The following CALN1 variants were observed in gnomAD, a reference collection of about 807,000 sequenced individuals.
CALN1 encodes calcium-binding protein 8.
CALN1 carries 17 observed loss-of-function variants against 30.6 expected under a neutral mutation model. That is an observed-to-expected ratio of 0.56 (90% CI 0.38 to 0.83). The LOEUF (loss-of-function observed/expected upper bound fraction) is 0.83, where lower values mean the gene tolerates loss of function less well. Among genes scored for constraint, CALN1 ranks in the 40% least tolerant of loss-of-function variants. CALN1 has a pLI of 0.00. For synonymous variants in CALN1, 156 were observed against 131.4 expected, an observed-to-expected ratio of 1.19 and a Z score of -1.28; for missense variants, 291 against 354.9, an observed-to-expected ratio of 0.82 and a Z score of 1.45.
chr7:71,850,126 T>A (rs559966105), intron 5 of CALN1, among the ~76,000 whole-genome samples: 1 of 152,290 alleles, frequency 6.6e-6, no homozygotes, highest in South Asian at 2.1e-4. Context: ...CAAATGTCCA[T>A]CATTAGAAAA....
At chr7:71,852,820 G>A (rs1013732710) in intron 5 of CALN1, among the ~76,000 whole-genome samples, 14 of 152,144 alleles carry the variant, frequency 9.2e-5, no homozygotes, top group African/African-American at 2.9e-4. Context: ...GATGTTGTAC[G>A]TCTTTATATT....
intron 6 of CALN1, among the ~76,000 whole-genome samples, chr7:71,796,791 A>T (rs887257064): frequency 2.0e-5 from 3 of 152,138 alleles, no homozygotes; most frequent in Admixed American, 6.6e-5. Context: ...GGAAGCTCAG[A>T]AAGTATTTGG....
At chr7:71,805,771 GGGAATATAC>G (rs1437361919) in intron 6 of CALN1, among the ~76,000 whole-genome samples, 1 of 152,052 alleles carries the variant, frequency 6.6e-6, no homozygotes, top group Non-Finnish European at 1.5e-5. Flanking sequence ...ATATTCCTTT[GGGAATATAC>G]CTAGCAATGT....
intron 3 of CALN1, among the ~76,000 whole-genome samples, chr7:72,158,955 C>G (rs1020367539): frequency 6.6e-6 from 1 of 152,148 alleles, no homozygotes; most frequent in Non-Finnish European, 1.5e-5. Flanking sequence ...CAGGTTCAAG[C>G]AATTCTCCTG....
intron 1 of CALN1, among the ~76,000 whole-genome samples, chr7:72,418,972 T>C (rs566570517): frequency 1.3e-5 from 2 of 152,274 alleles, no homozygotes; most frequent in East Asian, 1.9e-4. Context: ...ACTATGATCA[T>C]GCCACTGCAC....
At chr7:72,408,233 G>A (rs1369741531) in intron 1 of CALN1, among the ~76,000 whole-genome samples, 2 of 148,432 alleles carry the variant, frequency 1.3e-5, no homozygotes, top group African/African-American at 2.5e-5. Flanking sequence ...AGGAGTTTGA[G>A]CCCAGCCTGG....
the CALN1 span, among the ~76,000 whole-genome samples, chr7:72,478,134 T>C: frequency 6.6e-6 from 1 of 151,886 alleles, no homozygotes. Context: ...TCCAATACTT[T>C]GGGAGGCTGA....
chr7:72,445,158 T>C (rs1478721628), intron 1 of CALN1, among the ~76,000 whole-genome samples: 1 of 151,778 alleles, frequency 6.6e-6, no homozygotes, highest in African/African-American at 2.4e-5. Context: ...ACTTAATTAC[T>C]TATTGTTAAT....
intron 3 of CALN1, among the ~76,000 whole-genome samples, chr7:72,175,458 G>C (rs1266247385): frequency 6.6e-6 from 1 of 152,164 alleles, no homozygotes; most frequent in East Asian, 1.9e-4. Flanking sequence ...GATTCTTGAG[G>C]AGCATCATGA....
At chr7:72,059,936 G>T (rs760636652) in intron 4 of CALN1, among the ~76,000 whole-genome samples, 3 of 149,384 alleles carry the variant, frequency 2.0e-5, no homozygotes, top group South Asian at 4.4e-4. Flanking sequence ...ATTCTGAGAA[G>T]TAAGTTGTAG....
At chr7:72,255,862 CT>C (rs1795874686) in intron 3 of CALN1, among the ~76,000 whole-genome samples, 1 of 152,100 alleles carries the variant, frequency 6.6e-6, no homozygotes, top group Non-Finnish European at 1.5e-5. Context: ...TCCTGAGTAG[CT>C]GCGATTACAG....
intron 4 of CALN1, among the ~76,000 whole-genome samples, chr7:72,044,082 G>T (rs553896310): frequency 5.3e-4 from 80 of 149,706 alleles, no homozygotes; most frequent in Non-Finnish European, 1.0e-3. Context: ...CCCACAACAC[G>T]CGGGAATTCA....
chr7:72,451,420 G>A (rs1288511781), upstream of CALN1, among the ~76,000 whole-genome samples: 1 of 124,960 alleles, frequency 8.0e-6, no homozygotes. Context: ...GTAGGAGGGG[G>A]ATTTGGGGAA....
intron 2 of CALN1, among the ~76,000 whole-genome samples, chr7:72,308,372 G>GAGAGGGA (rs1554362861): frequency 3.2e-5 from 3 of 92,624 alleles, no homozygotes; most frequent in Admixed American, 1.1e-4. Flanking sequence ...TGTGGGGGGG[G>GAGAGGGA]GAGAGAGAGA....
intron 3 of CALN1, among the ~76,000 whole-genome samples, chr7:72,160,733 C>T (rs1408611424): frequency 6.6e-6 from 1 of 152,166 alleles, no homozygotes; most frequent in African/African-American, 2.4e-5. Context: ...ATTATCTCAG[C>T]TTATCTTAGA....
At chr7:71,798,634 T>C (rs1056069054) in intron 6 of CALN1, among the ~76,000 whole-genome samples, 1 of 147,204 alleles carries the variant, frequency 6.8e-6, no homozygotes, top group South Asian at 2.2e-4. Context: ...TTTTTTTTTT[T>C]CTTCTCAGAT....
At chr7:72,167,060 A>G (rs774605041) in intron 3 of CALN1, among the ~76,000 whole-genome samples, 2 of 152,204 alleles carry the variant, frequency 1.3e-5, no homozygotes, top group Non-Finnish European at 2.9e-5. Flanking sequence ...AAAGAAAAAG[A>G]AAATACCAAG....
At chr7:72,133,254 CAG>C (rs1271983637) in intron 3 of CALN1, among the ~76,000 whole-genome samples, 1 of 152,120 alleles carries the variant, frequency 6.6e-6, no homozygotes, top group Non-Finnish European at 1.5e-5. Context: ...AGTGGAAATA[CAG>C]AGTCATGTGA....
chr7:72,228,565 C>T (rs926484142), intron 3 of CALN1, among the ~76,000 whole-genome samples: 1 of 151,654 alleles, frequency 6.6e-6, no homozygotes, highest in Non-Finnish European at 1.5e-5. Context: ...TGGTGCATGG[C>T]TGTGGGCAAA....
Sources: gnomAD v4.1 joint callset for allele counts (sites outside exome capture counted in the v4.1 genomes callset) on GRCh38, gnomAD v4.1.1 for gene constraint, MANE v1.5 for transcripts, NCBI Gene and HGNC (gene_info 2026-07-23, HGNC 2026-07-21) for gene names.